The following RXRG variants were observed in gnomAD, a reference collection of about 807,000 sequenced individuals.
RXRG encodes the protein retinoic acid receptor RXR-gamma.
RXRG carries 19 observed loss-of-function variants against 49.2 expected under a neutral mutation model. The observed-to-expected ratio is 0.39, with a 90% confidence interval of 0.27 to 0.57. The LOEUF (loss-of-function observed/expected upper bound fraction) is 0.57. Ranked by LOEUF, RXRG falls within the 20% of genes least tolerant of loss-of-function variation. The pLI is 0.64. For synonymous variants in RXRG, 224 were observed against 216.6 expected (o/e 1.03, Z -0.30); for missense variants, 452 against 592.5 (o/e 0.76, Z 2.46).
chr1:165,406,146 T>A (rs73021058), intron 9 of RXRG, among the ~76,000 whole-genome samples: 5,661 of 152,344 alleles, frequency 0.037, 363 homozygotes, highest in African/African-American at 0.13. Context: ...GTTTTGAGAA[T>A]ATCTTTTAAT....
chr1:165,428,583 G>A, intron 2 of RXRG, 136 bp downstream of exon 2: 1 of 984,802 alleles, frequency 1.0e-6, no homozygotes, highest in Middle Eastern at 3.4e-4. Flanking sequence ...CTGCCTGAGG[G>A]ACGTCTGCAG....
In RXRG at chr1:165,401,154, T is replaced by C; in HGVS notation, c.*109A>G. On this transcript the variant is annotated 3_prime_UTR_variant, in exon 10 of 10. Coordinates refer to ENST00000359842, the MANE Select transcript of RXRG (RefSeq NM_006917.5). ...TTTCTTTATTATAAGCATCACATTT[T>C]GGGGACAGGAAGGGGGTCAGGGTGG... is the stretch of plus-strand genomic sequence containing the variant. 1.0e-6 allele frequency: 1 copy of C among 974,414 alleles called. No homozygotes were observed. The highest frequency in any genetic ancestry group is 1.6e-6 in the Non-Finnish European group (1 of 644,928). The allele number at this position is 974,414 out of a possible 1,614,324, so 60.4% of individuals were successfully genotyped here.
intron 1 of RXRG, among the ~76,000 whole-genome samples, chr1:165,433,160 C>G (rs935494171): frequency 7.9e-5 from 12 of 152,252 alleles, no homozygotes; most frequent in African/African-American, 2.4e-4. Flanking sequence ...ATTTTTCCAT[C>G]CCTTCCATCA....
Position 165,407,878 on chromosome 1 carries a change from A to G in RXRG, c.1138+349T>C, listed in dbSNP as rs59635577. Among the ~76,000 whole-genome samples, 1,343 of 151,090 alleles carry G rather than the reference A, an allele frequency of 8.9e-3. 16 individuals are homozygous for G. The highest frequency in any genetic ancestry group is 0.031 in the African/African-American group (1,283 of 41,210). ...TAAAAAAAAAAAAACCCAGAGAGTC[A>G]TCTATAACTCCTTTCTTTCTTTCTC... On this transcript the variant is annotated intron_variant, in intron 8 of 9. Transcript: ENST00000359842.
chr1:165,418,109 T>TAA (rs1658187284), intron 3 of RXRG, among the ~76,000 whole-genome samples: 1 of 16,758 alleles, frequency 6.0e-5, no homozygotes, highest in African/African-American at 3.2e-4. Flanking sequence ...AGATCCCGTC[T>TAA]CAAAAAAAAA....
At chr1:165,425,680 A>C (rs1658462518) in intron 2 of RXRG, among the ~76,000 whole-genome samples, 1 of 152,162 alleles carries the variant, frequency 6.6e-6, no homozygotes, top group Non-Finnish European at 1.5e-5. Flanking sequence ...GCATAAATAC[A>C]TGTACACCCC....
At chr1:165,424,736 C>T (rs375998152) in intron 2 of RXRG, 36 of 981,878 alleles carry the variant, frequency 3.7e-5, no homozygotes, top group Non-Finnish European at 4.0e-5. Flanking sequence ...CCTTCACCCC[C>T]CAAATTGTAC....
Position 165,417,217 on chromosome 1 carries a change from T to C in RXRG, c.446A>G (p.Lys149Arg). 1 of 1,600,340 alleles carries C rather than the reference T, an allele frequency of 6.2e-7. No individual in the cohort carries two copies. Among genetic ancestry groups the C allele is most frequent in the Admixed American group, 1.7e-5 (1 of 58,034 alleles). ...TTCACAACTGTATACCCCGTAGTGC[T>C]TTCCTGGTTAGAAGAAAAGAACATT... The part of the protein sequence containing the change: ...CAICGDRSSG[K>R]HYGVYSCEGC... Residue 149 changes from lysine to arginine, a missense_variant, in exon 4 of 10, where the codon AAG becomes AGG. This residue lies in a region of RXRG where 286 missense variants were observed against 440.9 expected (regional missense o/e 0.65). Coordinates refer to ENST00000359842, the MANE Select transcript of RXRG (RefSeq NM_006917.5).
At chr1:165,434,280 ATGTG>A (rs57708987) in intron 1 of RXRG, among the ~76,000 whole-genome samples, 2 of 130,986 alleles carry the variant, frequency 1.5e-5, no homozygotes, top group Non-Finnish European at 3.5e-5. Context: ...GCATGTGTGT[ATGTG>A]TGTGTGTGTG....
chr1:165,416,724 C>T (rs949392866), intron 4 of RXRG, among the ~76,000 whole-genome samples: 18 of 152,142 alleles, frequency 1.2e-4, no homozygotes, highest in African/African-American at 3.9e-4. Flanking sequence ...AAAAAGGAGA[C>T]GGTCCAGTTT....
chr1:165,401,202 G>C lies in RXRG; in HGVS notation c.*61C>G. 1 of 1,531,222 alleles carries C rather than the reference G, an allele frequency of 6.5e-7. No individual in the cohort carries two copies. Among genetic ancestry groups the C allele is most frequent in the Non-Finnish European group, 9.0e-7 (1 of 1,114,062 alleles). The allele number at this position is 1,531,222 out of a possible 1,614,324, so 94.9% of individuals were successfully genotyped here. ...TGGGAGGTGGAGGAAAGTGCAGGGT[G>C]GGGGTCCACACACACCTGCCCAGGG... On this transcript the variant is annotated 3_prime_UTR_variant, in exon 10 of 10. Coordinates refer to ENST00000359842, the MANE Select transcript of RXRG (RefSeq NM_006917.5).
intron 1 of RXRG, among the ~76,000 whole-genome samples, chr1:165,431,095 T>C (rs1658658556): frequency 6.6e-6 from 1 of 152,242 alleles, no homozygotes; most frequent in Non-Finnish European, 1.5e-5. Flanking sequence ...ATGTCCAGTT[T>C]TGTTTCTCCA....
intron 7 of RXRG, among the ~76,000 whole-genome samples, chr1:165,409,254 T>C (rs921467901): frequency 6.6e-5 from 10 of 152,202 alleles, no homozygotes; most frequent in African/African-American, 1.9e-4. Context: ...AGGAAATCCA[T>C]TGGGAGAATA....
At position 165,410,905 on chromosome 1, in the gene RXRG, C is replaced by G. The variant is rs1657921163; in HGVS notation, c.783+44G>C. On this transcript the variant is annotated intron_variant, in intron 5 of 9. Transcript: ENST00000359842. The stretch of plus-strand genomic sequence containing the variant: ...ACACCCCTTTCTCCCATTTCCAGCC[C>G]TACCCAAGAAATGGAACACACATGT... The G allele has an allele frequency of 1.9e-6, 3 of 1,612,924 alleles. No homozygotes were observed. The Admixed American group carries it at 5.0e-5, about 27-fold the overall frequency.
At chr1:165,411,877 C>G (rs951988993) in intron 4 of RXRG, among the ~76,000 whole-genome samples, 3 of 152,206 alleles carry the variant, frequency 2.0e-5, no homozygotes, top group Non-Finnish European at 4.4e-5. Flanking sequence ...TGCTCTTCAT[C>G]AGGAGAAAAG....
chr1:165,401,482 G>T (rs1035497945), intron 9 of RXRG, 72 bp from the exon 10 acceptor site: 5 of 1,571,668 alleles, frequency 3.2e-6, no homozygotes, highest in Non-Finnish European at 4.3e-6. Context: ...CTGGCAGGAG[G>T]CCGTCCAATT....
Position 165,444,834 on chromosome 1 carries a change from G to A in RXRG, c.49+11C>T. ...CAGGTCCACGCAGTGAAGCCCAAGG[G>A]AGATACTTACCTCCATAGCCTGCGG... On this transcript the variant is annotated intron_variant, in intron 1 of 9. Transcript: ENST00000359842. 1.9e-6 allele frequency: 3 copies of A among 1,613,340 alleles called. No individual in the cohort carries two copies. The highest frequency in any genetic ancestry group is 2.5e-6 in the Non-Finnish European group (3 of 1,179,272).
chr1:165,420,153 CCTAT>C (rs1658264508), intron 2 of RXRG, 139 bp from the exon 3 acceptor site: 1 of 609,816 alleles, frequency 1.6e-6, no homozygotes, highest in Non-Finnish European at 2.5e-6. Context: ...TTTGAAACTG[CCTAT>C]CTGTGAGATG....
rs535019092 is a variant in RXRG at position 165,419,600 on chromosome 1, T to G, written c.442+270A>C. Among the ~76,000 whole-genome samples the G allele has an allele frequency of 1.1e-4, 16 of 152,292 alleles. No individual in the cohort carries two copies. In the South Asian group the frequency reaches 1.9e-3, roughly 18 times the overall value. ...GAAATACTTGATAATCACAACAGCT[T>G]CTGTCTCTCAGATACATGTGTAATA... On this transcript the variant is annotated intron_variant, in intron 3 of 9. Transcript: ENST00000359842.
Sources: gnomAD v4.1 joint callset for allele counts (sites outside exome capture counted in the v4.1 genomes callset) on GRCh38, gnomAD v4.1.1 for gene constraint, gnomAD v4.1.1 regional missense constraint, MANE v1.5 for transcripts, NCBI Gene and HGNC (gene_info 2026-07-23, HGNC 2026-07-21) for gene names.